The following CATSPERD variants were observed in gnomAD, a reference collection of about 807,000 sequenced individuals.
CATSPERD encodes the protein catsper channel auxiliary subunit delta.
Under a neutral mutation model 98.1 loss-of-function variants are expected in CATSPERD, and 86 were observed. The observed-to-expected ratio is 0.88, with a 90% CI of 0.74 to 1.05. The LOEUF (loss-of-function observed/expected upper bound fraction) is 1.05, where lower values mean the gene tolerates loss of function less well. CATSPERD is among the 50% of genes least tolerant of loss of function. The pLI is 0.00. For synonymous variants in CATSPERD, 394 were observed against 390.2 expected (o/e 1.01, Z -0.12); for missense variants, 995 against 1,005.7 (o/e 0.99, Z 0.14).
At chr19:5,752,580 A>G (rs2056241376) in intron 12 of CATSPERD, among the ~76,000 whole-genome samples, 1 of 152,206 alleles carries the variant, frequency 6.6e-6, no homozygotes, top group African/African-American at 2.4e-5. Context: ...CACTGCCAAC[A>G]CGATCAAACT....
At position 5,745,998 on chromosome 19, in the gene CATSPERD, C is replaced by A. The variant is rs1201416942; in HGVS notation, c.743C>A (p.Ala248Asp). Reference sequence around the variant, plus strand: ...AATGGGACTCTAGACATCCTCATCGCCCCCGGCCAGAGAGGCATCCTGCTC... The same window carrying A: ...AATGGGACTCTAGACATCCTCATCGACCCCGGCCAGAGAGGCATCCTGCTC... The part of the protein sequence containing the change: ...DYNGTLDILI[A>D]PGQRGILLLW... The change falls in exon 9 of 22, where the codon GCC becomes GAC. Residue 248 changes from alanine to aspartate, a missense_variant. Around this residue, in one of 3 missense-constraint regions of CATSPERD, gnomAD observed 762 missense variants for 773.7 expected, o/e 0.98. Coordinates refer to ENST00000381624, the MANE Select transcript of CATSPERD (RefSeq NM_152784.4). 2 of 1,614,066 alleles carry A rather than the reference C, an allele frequency of 1.2e-6. No homozygotes were observed. The highest frequency in any genetic ancestry group is 2.7e-5 in the African/African-American group (2 of 75,040).
At chr19:5,771,221 C>T (rs936139541) in intron 19 of CATSPERD, 149 bp downstream of exon 19, 1 of 882,296 alleles carries the variant, frequency 1.1e-6, no homozygotes, top group African/African-American at 1.7e-5. Context: ...TGCCCCAGCC[C>T]CACTGGCCCC....
intron 3 of CATSPERD, 26 bp downstream of exon 3, chr19:5,727,370 A>C (rs187902259): frequency 6.9e-6 from 10 of 1,445,340 alleles, no homozygotes; most frequent in Non-Finnish European, 9.7e-6. Flanking sequence ...ATGTACTGTT[A>C]CCTTCCTTTT....
rs2056563820 is a variant in CATSPERD, at chr19:5,767,534, C to T, written c.1560-634C>T. 2.6e-5 allele frequency among the ~76,000 whole-genome samples: 4 copies of T among 151,164 alleles called. No individual in the cohort carries two copies. The South Asian group carries it at 8.4e-4, about 32-fold the overall frequency. On this transcript the variant is annotated intron_variant, in intron 17 of 21. Coordinates refer to ENST00000381624, the MANE Select transcript of CATSPERD (RefSeq NM_152784.4). ...ACGGAGTCTTGCTCTGTCGCCCAGG[C>T]TGGAGTGCAGTGGCATGATCTCGGC...
At chr19:5,778,224 AG>A in intron 21 of CATSPERD, 151 bp from the exon 22 acceptor site, 1 of 562,446 alleles carries the variant, frequency 1.8e-6, no homozygotes, top group Non-Finnish European at 3.0e-6. Context: ...AAAAAAAAAA[AG>A]GCATAGTGGA....
intron 20 of CATSPERD, among the ~76,000 whole-genome samples, chr19:5,775,599 A>T (rs7250134): frequency 2.7e-5 from 4 of 147,866 alleles, no homozygotes; most frequent in Admixed American, 2.0e-4. Context: ...CAGTAAGCCG[A>T]GATCGCGCCA....
chr19:5,767,429 A>T (rs750591196), intron 17 of CATSPERD, among the ~76,000 whole-genome samples: 7 of 144,764 alleles, frequency 4.8e-5, no homozygotes, highest in Non-Finnish European at 7.5e-5. Context: ...TTTTTTTTCC[A>T]TATCTGCTCA....
At chr19:5,723,456 T>C (rs1296541873) in intron 1 of CATSPERD, among the ~76,000 whole-genome samples, 1 of 126,726 alleles carries the variant, frequency 7.9e-6, no homozygotes, top group Non-Finnish European at 1.6e-5. Flanking sequence ...CCTGCCCAGC[T>C]AATTTTTTTT....
At chr19:5,733,778 C>G in intron 4 of CATSPERD, 78 bp from the exon 5 acceptor site, 1 of 995,862 alleles carries the variant, frequency 1.0e-6, no homozygotes, top group South Asian at 1.4e-5. Flanking sequence ...TTTTTCAATG[C>G]ATGTCTAGAA....
rs780093335 is a variant in CATSPERD at position 5,733,846 on chromosome 19, T to C, written c.277-10T>C. The stretch of plus-strand genomic sequence containing the variant: ...GCTCTCATTGATATCATCCATATGA[T>C]AACTTTTAGGTCGGCGTACCAGAAG... On this transcript the variant is annotated splice_polypyrimidine_tract_variant and intron_variant, in intron 4 of 21. Coordinates refer to ENST00000381624, the MANE Select transcript of CATSPERD (RefSeq NM_152784.4). 12 of 1,580,200 alleles carry C rather than the reference T, an allele frequency of 7.6e-6. No individual in the cohort carries two copies. The highest frequency in any genetic ancestry group is 5.1e-5 in the Admixed American group (3 of 58,622).
chr19:5,760,398 C>CAAA (rs71172763), intron 15 of CATSPERD, among the ~76,000 whole-genome samples: 3 of 138,806 alleles, frequency 2.2e-5, no homozygotes, highest in South Asian at 2.3e-4. Flanking sequence ...AACTCGTTCT[C>CAAA]AAAAAAAAAA....
chr19:5,731,661 C>T (rs1053615725), intron 4 of CATSPERD, among the ~76,000 whole-genome samples: 49 of 143,942 alleles, frequency 3.4e-4, no homozygotes, highest in Non-Finnish European at 4.5e-4. Flanking sequence ...CTGCAAGCTC[C>T]GCTTCCCGGG....
At chr19:5,739,068 T>C (rs1379850059) in intron 6 of CATSPERD, among the ~76,000 whole-genome samples, 2 of 151,940 alleles carry the variant, frequency 1.3e-5, no homozygotes, top group African/African-American at 4.8e-5. Context: ...TTTCATTATG[T>C]TGGCCAAGCT....
intron 5 of CATSPERD, 21 bp from the exon 6 acceptor site, chr19:5,737,117 A>C: frequency 6.5e-7 from 1 of 1,543,272 alleles, no homozygotes; most frequent in South Asian, 1.1e-5. Flanking sequence ...TAAACATTTC[A>C]AAATTATATT....
chr19:5,742,389 T>C (rs925498985), intron 7 of CATSPERD, among the ~76,000 whole-genome samples: 1 of 152,192 alleles, frequency 6.6e-6, no homozygotes, highest in Non-Finnish European at 1.5e-5. Flanking sequence ...GAATTGTTTT[T>C]ATCACGGACA....
chr19:5,778,459 T>C lies in CATSPERD; in HGVS notation c.2180T>C (p.Leu727Pro). Reference protein sequence around the residue: ...VQLVSAGVVILLIISSILGSV... With the variant: ...VQLVSAGVVIPLIISSILGSV... ...CTGGTCTCTGCTGGAGTCGTCATCCTACTGATCATCTCCAGCATCCTGGGG... is the reference window on the plus strand; with the variant it reads ...CTGGTCTCTGCTGGAGTCGTCATCCCACTGATCATCTCCAGCATCCTGGGG... The change falls in exon 22 of 22, where the codon CTA becomes CCA. Residue 727 changes from leucine to proline, a missense_variant. Transcript: ENST00000381624. 6.2e-7 allele frequency: 1 copy of C among 1,614,020 alleles called. No individual in the cohort carries two copies. The highest frequency in any genetic ancestry group is 8.5e-7 in the Non-Finnish European group (1 of 1,180,002).
chr19:5,744,536 A>G, intron 8 of CATSPERD, 26 bp downstream of exon 8: 2 of 1,541,744 alleles, frequency 1.3e-6, no homozygotes, highest in Admixed American at 1.8e-5. Context: ...GGGAAGAACT[A>G]CTCAGAGGAC....
intron 13 of CATSPERD, 50 bp from the exon 14 acceptor site, chr19:5,757,793 G>A (rs376126543): frequency 6.3e-5 from 93 of 1,473,978 alleles, no homozygotes; most frequent in African/African-American, 5.6e-4. Flanking sequence ...TTGTCACCCC[G>A]TCCTGCCTGC....
intron 21 of CATSPERD, 72 bp downstream of exon 21, chr19:5,776,387 G>A (rs1599605553): frequency 3.2e-6 from 5 of 1,554,468 alleles, no homozygotes; most frequent in East Asian, 4.5e-5. Flanking sequence ...CGTTTCGGGG[G>A]ACATGCAGGT....
Sources: allele counts gnomAD v4.1 joint callset (sites outside exome capture counted in the v4.1 genomes callset), GRCh38; gene constraint gnomAD v4.1.1; regional missense constraint gnomAD v4.1.1; transcripts MANE v1.5; gene names NCBI Gene and HGNC (gene_info 2026-07-23, HGNC 2026-07-21).